The following FHIT variants were observed in gnomAD, a reference collection of about 807,000 sequenced individuals.
FHIT encodes bis(5'-adenosyl)-triphosphatase.
Under a neutral mutation model 17.9 loss-of-function variants are expected in FHIT, and 19 were observed. The observed-to-expected ratio is 1.06, with a 90% CI of 0.74 to 1.56. The LOEUF is 1.56. Ranked by LOEUF, FHIT falls within the 40% of genes most tolerant of loss-of-function variation. The pLI, the probability that FHIT is intolerant of heterozygous loss-of-function variation, is 0.00. For missense variants in FHIT, 248 were observed against 189.2 expected (o/e 1.31, Z -1.82); for synonymous variants, 81 against 69.7 (o/e 1.16, Z -0.81).
intron 8 of FHIT, among the ~76,000 whole-genome samples, chr3:59,753,900 A>C (rs1243105422): frequency 2.0e-4 from 31 of 152,204 alleles, no homozygotes; most frequent in Admixed American, 2.0e-3. Context: ...AGTGTCCCTA[A>C]AGAGCATCCC....
chr3:61,202,157 G>A (rs6787292), intron 1 of FHIT, among the ~76,000 whole-genome samples: 65,720 of 151,876 alleles, frequency 0.43, 14,612 homozygotes, highest in East Asian at 0.58. Context: ...GAAGTGAGAA[G>A]CGCCTCTGCT....
intron 3 of FHIT, among the ~76,000 whole-genome samples, chr3:60,969,408 T>G (rs1709901624): frequency 6.6e-6 from 1 of 152,140 alleles, no homozygotes; most frequent in South Asian, 2.1e-4. Context: ...ATTTATTCTG[T>G]TTCTTTTTTA....
intron 5 of FHIT, among the ~76,000 whole-genome samples, chr3:60,120,300 G>A (rs756731469): frequency 3.7e-4 from 57 of 152,306 alleles, no homozygotes; most frequent in Middle Eastern, 3.4e-3. Context: ...GTGCCTGCAC[G>A]TAGTAGTTAT....
At chr3:60,721,762 C>A (rs946537324) in intron 4 of FHIT, among the ~76,000 whole-genome samples, 3 of 152,102 alleles carry the variant, frequency 2.0e-5, no homozygotes, top group African/African-American at 7.2e-5. Context: ...TTCCAGGACA[C>A]AGGCTTTTCA....
chr3:59,769,684 CTTAT>C (rs780796434), intron 8 of FHIT, among the ~76,000 whole-genome samples: 5 of 151,252 alleles, frequency 3.3e-5, no homozygotes, highest in Non-Finnish European at 7.4e-5. Context: ...TTGCTGCCAG[CTTAT>C]TTGATTCCAA....
chr3:59,802,988 C>T (rs1700058759), intron 8 of FHIT, among the ~76,000 whole-genome samples: 1 of 152,114 alleles, frequency 6.6e-6, no homozygotes, highest in South Asian at 2.1e-4. Flanking sequence ...CTGACTGCAT[C>T]CCCCTGAAGA....
intron 3 of FHIT, among the ~76,000 whole-genome samples, chr3:60,955,611 T>TATACATATATATATATAC (rs1709093871): frequency 4.7e-4 from 8 of 16,916 alleles, no homozygotes; most frequent in Middle Eastern, 0.029. Context: ...TATATATATA[T>TATACATATATATATATAC]ATATATATAT....
intron 3 of FHIT, among the ~76,000 whole-genome samples, chr3:60,993,394 C>T (rs1208033732): frequency 1.3e-5 from 2 of 152,206 alleles, no homozygotes; most frequent in African/African-American, 4.8e-5. Context: ...TTATTGCACA[C>T]TTTACTGCAT....
At chr3:59,853,245 T>C (rs1356255511) in intron 8 of FHIT, among the ~76,000 whole-genome samples, 5 of 152,224 alleles carry the variant, frequency 3.3e-5, no homozygotes, top group African/African-American at 1.2e-4. Context: ...TCTCACTGTT[T>C]GAACACTCAT....
intron 3 of FHIT, among the ~76,000 whole-genome samples, chr3:60,832,816 A>C (rs1702377792): frequency 6.6e-6 from 1 of 152,204 alleles, no homozygotes; most frequent in South Asian, 2.1e-4. Context: ...AATATATCAA[A>C]AATATTATTT....
At chr3:60,029,840 T>G (rs184192554) in intron 5 of FHIT, among the ~76,000 whole-genome samples, 91 of 149,778 alleles carry the variant, frequency 6.1e-4, no homozygotes, top group African/African-American at 2.2e-3. Flanking sequence ...AGAAAGAGGT[T>G]GGACAGGCAG....
intron 9 of FHIT, chr3:59,750,393 G>A (rs1700828544): frequency 4.5e-6 from 1 of 224,590 alleles, no homozygotes. Context: ...ATTTAAATTT[G>A]AACAGGGCAC....
chr3:60,474,111 T>C (rs1303240659), intron 5 of FHIT, among the ~76,000 whole-genome samples: 1 of 152,154 alleles, frequency 6.6e-6, no homozygotes, highest in African/African-American at 2.4e-5. Context: ...GGACAGGGAA[T>C]GTGTCTGCTT....
chr3:59,778,731 G>C (rs1345523231), intron 8 of FHIT, among the ~76,000 whole-genome samples: 1 of 152,184 alleles, frequency 6.6e-6, no homozygotes, highest in African/African-American at 2.4e-5. Flanking sequence ...AGTACTTTAG[G>C]CTTGTCATGT....
chr3:61,030,032 C>A (rs2032934136), intron 3 of FHIT, among the ~76,000 whole-genome samples: 1 of 152,170 alleles, frequency 6.6e-6, no homozygotes, highest in African/African-American at 2.4e-5. Context: ...TGCAGTGGTA[C>A]TATCTCAGCT....
intron 3 of FHIT, among the ~76,000 whole-genome samples, chr3:60,873,169 T>A (rs879958348): frequency 2.0e-5 from 3 of 147,308 alleles, no homozygotes; most frequent in Non-Finnish European, 4.5e-5. Context: ...GAGTGAGAGA[T>A]CACACTACCA....
intron 1 of FHIT, among the ~76,000 whole-genome samples, chr3:61,250,442 A>G (rs577537026): frequency 6.6e-6 from 1 of 152,364 alleles, no homozygotes; most frequent in African/African-American, 2.4e-5. Flanking sequence ...GTAAATCTGC[A>G]AGTGGTAAAC....
chr3:60,349,729 C>T (rs1238918406), intron 5 of FHIT, among the ~76,000 whole-genome samples: 1 of 152,148 alleles, frequency 6.6e-6, no homozygotes, highest in Non-Finnish European at 1.5e-5. Flanking sequence ...AAATTTTACA[C>T]AACTTGGACA....
intron 5 of FHIT, among the ~76,000 whole-genome samples, chr3:60,087,968 G>C (rs1703568331): frequency 6.6e-6 from 1 of 152,046 alleles, no homozygotes; most frequent in Admixed American, 6.6e-5. Context: ...ATAAATAAAA[G>C]GATTTATGTG....
Sources: gnomAD v4.1 joint callset for allele counts (sites outside exome capture counted in the v4.1 genomes callset) on GRCh38, gnomAD v4.1.1 for gene constraint, MANE v1.5 for transcripts, NCBI Gene and HGNC (gene_info 2026-07-23, HGNC 2026-07-21) for gene names.